Variants in TRPM7 observed in about 807,000 individuals in gnomAD.
TRPM7 encodes LTRPC ion channel family member 7.
Under a neutral mutation model 229.7 loss-of-function variants are expected in TRPM7, and 134 were observed. The ratio of observed to expected loss-of-function variants is 0.58; its 90% CI spans 0.51 to 0.67. The LOEUF (loss-of-function observed/expected upper bound fraction) is 0.67. Ranked by LOEUF, TRPM7 falls within the 30% of genes least tolerant of loss-of-function variation. The pLI is 0.00. For synonymous variants in TRPM7, 699 were observed against 715.2 expected (o/e 0.98, Z 0.36); for missense variants, 1,901 against 2,210.0 (o/e 0.86, Z 2.80).
chr15:50,581,635 G>C (rs1168299998), intron 29 of TRPM7, among the ~76,000 whole-genome samples: 1 of 152,008 alleles, frequency 6.6e-6, no homozygotes, highest in Non-Finnish European at 1.5e-5. Flanking sequence ...CCTTTGTTGT[G>C]TATATGTGCA....
chr15:50,670,241 G>T (rs531335251), intron 1 of TRPM7, among the ~76,000 whole-genome samples: 1 of 152,048 alleles, frequency 6.6e-6, no homozygotes, highest in Non-Finnish European at 1.5e-5. Context: ...ATAAAAGAAG[G>T]GGGGAAACGT....
chr15:50,613,258 G>A (rs1384508545), intron 15 of TRPM7, among the ~76,000 whole-genome samples: 1 of 152,138 alleles, frequency 6.6e-6, no homozygotes. Flanking sequence ...AATCCCAGCA[G>A]TTTGGGAGGC....
intron 21 of TRPM7, among the ~76,000 whole-genome samples, chr15:50,600,645 A>T (rs1208802607): frequency 1.3e-5 from 2 of 152,234 alleles, no homozygotes; most frequent in East Asian, 3.8e-4. Context: ...ACATTTCCAT[A>T]TATTTTTAAA....
chr15:50,590,189 G>C (rs2059451582), intron 26 of TRPM7, among the ~76,000 whole-genome samples: 1 of 151,778 alleles, frequency 6.6e-6, no homozygotes, highest in African/African-American at 2.4e-5. Context: ...AACGTTAAAA[G>C]CCAAAGTCCT....
chr15:50,653,755 G>A (rs2061485864), intron 3 of TRPM7, among the ~76,000 whole-genome samples: 1 of 151,346 alleles, frequency 6.6e-6, no homozygotes, highest in Non-Finnish European at 1.5e-5. Flanking sequence ...ATAAAGACAA[G>A]AAGGAAAAAA....
intron 1 of TRPM7, among the ~76,000 whole-genome samples, chr15:50,663,708 G>A (rs927431602): frequency 6.6e-6 from 1 of 152,162 alleles, no homozygotes; most frequent in Non-Finnish European, 1.5e-5. Context: ...GCTCACACCT[G>A]TAATCTCAAC....
chr15:50,625,826 T>C (rs1193918266), intron 11 of TRPM7, among the ~76,000 whole-genome samples: 1 of 152,244 alleles, frequency 6.6e-6, no homozygotes, highest in East Asian at 1.9e-4. Flanking sequence ...ATTTTTCACT[T>C]GCTTAAAAAT....
chr15:50,658,735 G>C (rs946244190), intron 2 of TRPM7, among the ~76,000 whole-genome samples: 3 of 152,126 alleles, frequency 2.0e-5, no homozygotes, highest in Non-Finnish European at 4.4e-5. Context: ...TAAAAGCATA[G>C]GCTAAAACAC....
At chr15:50,660,615 T>G (rs7174877) in intron 2 of TRPM7, among the ~76,000 whole-genome samples, 1 of 152,140 alleles carries the variant, frequency 6.6e-6, no homozygotes, top group Non-Finnish European at 1.5e-5. Flanking sequence ...TCTCCCAAAG[T>G]GCTGGAATTA....
At chr15:50,624,096 T>C in intron 12 of TRPM7, 70 bp downstream of exon 12, 1 of 1,457,094 alleles carries the variant, frequency 6.9e-7, no homozygotes, top group Non-Finnish European at 9.3e-7. Flanking sequence ...TAGGAATGGC[T>C]ATATTCAGGT....
intron 38 of TRPM7, among the ~76,000 whole-genome samples, chr15:50,565,682 T>C (rs1373531238): frequency 6.6e-6 from 1 of 152,080 alleles, no homozygotes; most frequent in Non-Finnish European, 1.5e-5. Context: ...ATAGAACTAA[T>C]ACACAGAAAA....
At chr15:50,655,173 C>A (rs575044679) in intron 3 of TRPM7, among the ~76,000 whole-genome samples, 1 of 150,554 alleles carries the variant, frequency 6.6e-6, no homozygotes, top group Non-Finnish European at 1.5e-5. Flanking sequence ...CAGTGGCTCA[C>A]GCCTGTAATC....
intron 36 of TRPM7, among the ~76,000 whole-genome samples, chr15:50,573,848 C>A (rs2054007280): frequency 6.6e-6 from 1 of 152,072 alleles, no homozygotes; most frequent in South Asian, 2.1e-4. Flanking sequence ...ATCACAAGGT[C>A]AGAAGCTCAA....
chr15:50,591,928 T>C lies in TRPM7; in HGVS notation c.4307A>G (p.Glu1436Gly), dbSNP rs2059507931. The C allele has an allele frequency of 6.4e-7, 1 of 1,561,574 alleles. No homozygotes were observed. The highest frequency in any genetic ancestry group is 8.6e-7 in the Non-Finnish European group (1 of 1,159,946). Reference protein sequence around the residue: ...CSKATEGDNTEFGAFVGHRDS... With the variant: ...CSKATEGDNTGFGAFVGHRDS... ...AAACTTACCTACAAATGCTCCAAAT[T>C]CTGTATTATCTCCTTCTGTAGCTTT... Residue 1436 changes from glutamate to glycine, a missense_variant, in exon 26 of 39, where the codon GAA (glutamate) becomes GGA (glycine). Physicochemically the swap from Glu to Gly is moderately conservative, Grantham distance 98. Transcript: ENST00000646667.
chr15:50,634,377 C>T lies in TRPM7; in HGVS notation c.1007+5G>A. 1 of 1,542,184 alleles carries T rather than the reference C, an allele frequency of 6.5e-7. No individual in the cohort carries two copies. Among genetic ancestry groups the T allele is most frequent in the South Asian group, 1.3e-5 (1 of 77,624 alleles). On this transcript the variant is annotated splice_donor_5th_base_variant and intron_variant, in intron 8 of 38. Transcript: ENST00000646667. ...AAATTAATTAAAATGTTGTCATACA[C>T]TTACCCTCCTTCTTCTGTTTGTTTA...
chr15:50,607,650 G>A (rs559553422), intron 19 of TRPM7, among the ~76,000 whole-genome samples: 60 of 152,146 alleles, frequency 3.9e-4, no homozygotes, highest in African/African-American at 1.4e-3. Context: ...CATACCTACA[G>A]TATCATAATA....
rs2053217437 is a variant in TRPM7, at chr15:50,559,043, C to G, written c.*2635G>C. On this transcript the variant is annotated 3_prime_UTR_variant, in exon 39 of 39. Coordinates refer to ENST00000646667, the MANE Select transcript of TRPM7 (RefSeq NM_017672.6). The stretch of plus-strand genomic sequence containing the variant: ...AAGTAGCTGGAACTACAGGTGCACA[C>G]CATCACATCCAGTTATTTTTTTTTT... 6.8e-6 allele frequency: 1 copy of G among 147,048 alleles called. No homozygotes were observed. Among genetic ancestry groups the G allele is most frequent in the Admixed American group, 7.1e-5 (1 of 14,100 alleles). The allele number at this position is 147,048 out of a possible 1,614,324, so 9.1% of individuals were successfully genotyped here.
chr15:50,651,422 G>C (rs1030856286), intron 3 of TRPM7, among the ~76,000 whole-genome samples: 3 of 152,000 alleles, frequency 2.0e-5, no homozygotes, highest in Non-Finnish European at 2.9e-5. Context: ...GAGGCGGGTG[G>C]ATCACGAGGT....
intron 22 of TRPM7, among the ~76,000 whole-genome samples, chr15:50,598,391 G>A (rs1013554520): frequency 2.6e-5 from 4 of 152,210 alleles, no homozygotes; most frequent in African/African-American, 9.6e-5. Flanking sequence ...GGTTGAATCA[G>A]TGGGAGTTAC....
Sources: gnomAD v4.1 joint callset for allele counts (sites outside exome capture counted in the v4.1 genomes callset) on GRCh38, gnomAD v4.1.1 for gene constraint, MANE v1.5 for transcripts, NCBI Gene and HGNC (gene_info 2026-07-23, HGNC 2026-07-21) for gene names.